The following L3MBTL3 variants were observed in gnomAD, a reference collection of about 807,000 sequenced individuals.
L3MBTL3 encodes the protein lethal(3)malignant brain tumor-like protein 3.
L3MBTL3 carries 27 observed loss-of-function variants against 102.3 expected under a neutral mutation model. That is an observed-to-expected ratio of 0.26 (90% CI 0.19 to 0.36). The LOEUF is 0.36. Among genes scored for constraint, L3MBTL3 ranks in the 10% least tolerant of loss-of-function variants. The probability of loss-of-function intolerance (pLI) is 1.00; values close to 1 mark genes in which losing one functional copy is unlikely to be tolerated. For missense variants in L3MBTL3, 798 were observed against 955.3 expected, an observed-to-expected ratio of 0.84 and a Z score of 2.17; for synonymous variants, 340 against 320.9, an observed-to-expected ratio of 1.06 and a Z score of -0.64.
At chr6:130,116,718 C>CTG (rs921388531) in intron 19 of L3MBTL3, among the ~76,000 whole-genome samples, 2 of 151,918 alleles carry the variant, frequency 1.3e-5, no homozygotes, top group African/African-American at 4.8e-5. Context: ...CACCACTGCA[C>CTG]TCCAGCCTGG....
chr6:130,101,565 C>G (rs960241744), intron 18 of L3MBTL3, among the ~76,000 whole-genome samples: 2 of 152,180 alleles, frequency 1.3e-5, no homozygotes, highest in Non-Finnish European at 2.9e-5. Flanking sequence ...GAAGGCAGGT[C>G]AGACCTTGCG....
In L3MBTL3 at chr6:130,104,516, G is replaced by T; in HGVS notation, c.1827G>T (p.Pro609=). The change falls in exon 19 of 23, where the codon CCG becomes CCT. Residue 609 remains proline (P), a synonymous_variant. Transcript: ENST00000361794. The stretch of plus-strand genomic sequence containing the variant: ...GTGGTGAGATGCCTCCGGCTAGTCC[G>T]TCATTTCCAAGAAATAAAAGGACAG... ...RLSGEMPPAS[P]SFPRNKRTDA... is the part of the protein sequence containing the mutation. 3 of 1,592,422 alleles carry T rather than the reference G, an allele frequency of 1.9e-6. No individual in the cohort carries two copies. The highest frequency in any genetic ancestry group is 2.6e-6 in the Non-Finnish European group (3 of 1,170,846).
chr6:130,052,384 T>C (rs9372954), intron 6 of L3MBTL3, among the ~76,000 whole-genome samples: 81,557 of 152,080 alleles, frequency 0.54, 25,352 homozygotes, highest in East Asian at 0.76. Flanking sequence ...GGATTAAAGG[T>C]GTGAGCCACT....
chr6:130,078,641 G>GT lies in L3MBTL3; in HGVS notation c.1321+14dup, dbSNP rs746190362. On this transcript the variant is annotated splice_region_variant and intron_variant, in intron 14 of 22. Transcript: ENST00000361794. ...ACCCTTATTACTCCACCAGGTGTGT[G>GT]TTTTTTTAATGTGGCTAATACTATT... 12 of 1,576,558 alleles carry GT rather than the reference G, an allele frequency of 7.6e-6. No homozygotes were observed. Among genetic ancestry groups the GT allele is most frequent in the Non-Finnish European group, 8.7e-6 (10 of 1,147,702 alleles).
At chr6:130,045,526 C>T (rs1255778125) in intron 3 of L3MBTL3, among the ~76,000 whole-genome samples, 3 of 152,050 alleles carry the variant, frequency 2.0e-5, no homozygotes, top group African/African-American at 7.2e-5. Context: ...GAAATGGAGG[C>T]CTGGAGTAGT....
intron 20 of L3MBTL3, among the ~76,000 whole-genome samples, chr6:130,126,467 C>T (rs1288898568): frequency 6.6e-6 from 1 of 152,096 alleles, no homozygotes; most frequent in Non-Finnish European, 1.5e-5. Flanking sequence ...TCTCTTTCCA[C>T]CAAAAGACCT....
chr6:130,094,411 A>G, intron 18 of L3MBTL3, 44 bp downstream of exon 18: 1 of 1,185,648 alleles, frequency 8.4e-7, no homozygotes, highest in Non-Finnish European at 1.2e-6. Flanking sequence ...TAGGTGTTCC[A>G]TATACATGTA....
At position 130,133,644 on chromosome 6, in the gene L3MBTL3, C is replaced by T; in HGVS notation, c.2136+23C>T. On this transcript the variant is annotated intron_variant, in intron 21 of 22. Transcript: ENST00000361794. The surrounding 1 kb of genome is among the most constrained non-coding windows in gnomAD (Gnocchi z 4.9). ...GAGGTATATTTTATTTTCTTTGCTG[C>T]CCGACACCAGATACAGGATTACTGG... The T allele has an allele frequency of 6.2e-7, 1 of 1,609,956 alleles. No individual in the cohort carries two copies. The highest frequency in any genetic ancestry group is 8.5e-7 in the Non-Finnish European group (1 of 1,179,098).
chr6:130,128,491 C>CT (rs1582636406), intron 20 of L3MBTL3, among the ~76,000 whole-genome samples: 1 of 152,148 alleles, frequency 6.6e-6, no homozygotes, highest in East Asian at 1.9e-4. Context: ...TGCTGTCAGC[C>CT]TTTAAGAGCA....
In L3MBTL3 at chr6:130,133,784, G is replaced by A. The variant is rs375693546; in HGVS notation, c.2137-59G>A. 3.4e-4 allele frequency: 516 copies of A among 1,506,504 alleles called. 4 individuals are homozygous for A. Among genetic ancestry groups the A allele is most frequent in the South Asian group, 2.8e-3 (248 of 88,700 alleles). 93.3% of individuals were successfully genotyped at this position (1,506,504 alleles called of 1,614,324 possible). On this transcript the variant is annotated intron_variant, in intron 21 of 22. Transcript: ENST00000361794. The surrounding 1 kb of genome is among the most constrained non-coding windows in gnomAD (Gnocchi z 4.9). Reference sequence around the variant, plus strand: ...CATATGGGTTAAATGTTTTGAACCTGTAGCATTTAGATTCTGACTGTGTTT... The same window carrying A: ...CATATGGGTTAAATGTTTTGAACCTATAGCATTTAGATTCTGACTGTGTTT...
chr6:130,138,206 T>G (rs1248818477), intron 22 of L3MBTL3: 1 of 152,220 alleles, frequency 6.6e-6, no homozygotes, highest in Non-Finnish European at 1.5e-5. Flanking sequence ...GAGAACTGTT[T>G]GCAGAATTTA....
intron 18 of L3MBTL3, among the ~76,000 whole-genome samples, chr6:130,101,784 C>T (rs1784705724): frequency 6.6e-6 from 1 of 152,184 alleles, no homozygotes; most frequent in Non-Finnish European, 1.5e-5. Context: ...TGAGTGTTTT[C>T]TGCTCAAGTT....
chr6:130,075,147 G>C (rs1782868523), intron 13 of L3MBTL3, among the ~76,000 whole-genome samples: 2 of 152,106 alleles, frequency 1.3e-5, no homozygotes, highest in Non-Finnish European at 2.9e-5. Context: ...CTTCAACTCT[G>C]GGGGGCTCAT....
chr6:130,062,112 G>A (rs1781935291), intron 10 of L3MBTL3, among the ~76,000 whole-genome samples: 1 of 152,084 alleles, frequency 6.6e-6, no homozygotes, highest in African/African-American at 2.4e-5. Flanking sequence ...CTGTTTTTCA[G>A]CTTTTGGTTT....
intron 14 of L3MBTL3, among the ~76,000 whole-genome samples, chr6:130,080,836 G>A (rs1783293032): frequency 6.6e-6 from 1 of 152,222 alleles, no homozygotes; most frequent in East Asian, 1.9e-4. Flanking sequence ...AAACAAAACT[G>A]CCAAATTGTG....
rs544689916 is a variant in L3MBTL3 at position 130,057,304 on chromosome 6, A to C, written c.668-102A>C. On this transcript the variant is annotated intron_variant, in intron 8 of 22. Transcript: ENST00000361794. ...AGATACCAGTCCTGGAAGTCAGAGA[A>C]GAGCCAGGCAGCGTATCAGTCAGGG... is the stretch of plus-strand genomic sequence containing the variant. 3.5e-6 allele frequency: 3 copies of C among 852,174 alleles called. No homozygotes were observed. In the East Asian group the frequency reaches 7.9e-5, roughly 23 times the overall value. The allele number at this position is 852,174 out of a possible 1,614,324, so 52.8% of individuals were successfully genotyped here.
intron 4 of L3MBTL3, 31 bp from the exon 5 acceptor site, chr6:130,049,725 A>G: frequency 1.2e-6 from 2 of 1,613,548 alleles, no homozygotes; most frequent in South Asian, 1.1e-5. Flanking sequence ...TAACACCTAT[A>G]TGCTGATGAC....
intron 16 of L3MBTL3, among the ~76,000 whole-genome samples, chr6:130,091,816 T>C (rs1273985886): frequency 1.3e-5 from 2 of 151,820 alleles, no homozygotes; most frequent in Admixed American, 1.3e-4. Flanking sequence ...ATTGAACTCA[T>C]GAGGACAAGA....
chr6:130,080,829 CA>C (rs773753339), intron 14 of L3MBTL3, among the ~76,000 whole-genome samples: 19 of 152,058 alleles, frequency 1.2e-4, no homozygotes, highest in Non-Finnish European at 2.2e-4. Flanking sequence ...AATGAACAAA[CA>C]AAACTGCCAA....
Sources: allele counts gnomAD v4.1 joint callset (sites outside exome capture counted in the v4.1 genomes callset), GRCh38; gene constraint gnomAD v4.1.1; non-coding constraint Gnocchi (gnomAD v3.1); transcripts MANE v1.5; gene names NCBI Gene and HGNC (gene_info 2026-07-23, HGNC 2026-07-21).